Variants in CNTNAP2 observed in about 807,000 individuals in gnomAD.
The protein encoded by CNTNAP2 is contactin-associated protein-like 2.
In CNTNAP2, 98 loss-of-function variants were observed where a neutral mutation model predicts 155.2. The observed-to-expected ratio is 0.63, with a 90% CI of 0.54 to 0.75. The LOEUF (loss-of-function observed/expected upper bound fraction) is 0.75. Ranked by LOEUF, CNTNAP2 falls within the 30% of genes least tolerant of loss-of-function variation. The pLI, the probability that CNTNAP2 is intolerant of heterozygous loss-of-function variation, is 0.00. For missense variants in CNTNAP2, 1,727 were observed against 1,688.1 expected, an observed-to-expected ratio of 1.02 and a Z score of -0.40; for synonymous variants, 651 against 631.2, an observed-to-expected ratio of 1.03 and a Z score of -0.47.
chr7:147,044,839 C>G (rs1438028678), intron 4 of CNTNAP2, among the ~76,000 whole-genome samples: 2 of 151,902 alleles, frequency 1.3e-5, no homozygotes, highest in Non-Finnish European at 2.9e-5. Flanking sequence ...ATATTCTTTA[C>G]TGTGACCTCA....
chr7:147,581,673 A>C (rs780967530), intron 12 of CNTNAP2, among the ~76,000 whole-genome samples: 14 of 152,190 alleles, frequency 9.2e-5, no homozygotes, highest in Non-Finnish European at 1.6e-4. Flanking sequence ...CCCTTCTCCC[A>C]TCCAAATCTG....
At chr7:148,239,923 G>A (rs531557538) in intron 20 of CNTNAP2, among the ~76,000 whole-genome samples, 31 of 152,278 alleles carry the variant, frequency 2.0e-4, no homozygotes, top group Admixed American at 2.0e-3. Flanking sequence ...TCTACTTAAA[G>A]CCACATGGGG....
At chr7:147,517,042 G>A (rs531820703) in intron 11 of CNTNAP2, among the ~76,000 whole-genome samples, 2 of 143,584 alleles carry the variant, frequency 1.4e-5, no homozygotes, top group Non-Finnish European at 3.0e-5. Context: ...TTTTTTTTTT[G>A]TATTTTTAGT....
chr7:147,386,811 C>T (rs1402466459), intron 9 of CNTNAP2, among the ~76,000 whole-genome samples: 1 of 152,192 alleles, frequency 6.6e-6, no homozygotes. Flanking sequence ...GCACCTCACT[C>T]TACTGGTACC....
At chr7:147,831,353 C>T (rs1798542046) in intron 13 of CNTNAP2, among the ~76,000 whole-genome samples, 1 of 152,198 alleles carries the variant, frequency 6.6e-6, no homozygotes. Flanking sequence ...TACACTCTTA[C>T]TGAAGACACA....
At chr7:146,259,243 T>C (rs112574119) in intron 1 of CNTNAP2, among the ~76,000 whole-genome samples, 6,320 of 152,284 alleles carry the variant, frequency 0.042, 403 homozygotes, top group African/African-American at 0.14. Context: ...GTAGTATCTT[T>C]ATAGCAGTGT....
rs569548012 is a variant in CNTNAP2 at position 147,282,725 on chromosome 7, G to A, written c.1349-17416G>A. Among the ~76,000 whole-genome samples, 7 of 151,770 alleles carry A rather than the reference G, an allele frequency of 4.6e-5. No homozygotes were observed. In the East Asian group the frequency reaches 1.2e-3, roughly 25 times the overall value. ...ATGGTTGATAATTAATCAAAGGAAA[G>A]CCCTTTATTTTTATTATTAATTTAT... is the stretch of plus-strand genomic sequence containing the variant. On this transcript the variant is annotated intron_variant, in intron 8 of 23. Coordinates refer to ENST00000361727, the MANE Select transcript of CNTNAP2 (RefSeq NM_014141.6).
intron 8 of CNTNAP2, among the ~76,000 whole-genome samples, chr7:147,238,046 G>A (rs928142865): frequency 3.9e-5 from 6 of 152,212 alleles, no homozygotes; most frequent in South Asian, 2.1e-4. Flanking sequence ...ACGGAGTCTC[G>A]CTCTGTCGCC....
At chr7:148,124,204 G>A (rs1297687014) in intron 16 of CNTNAP2, among the ~76,000 whole-genome samples, 1 of 152,222 alleles carries the variant, frequency 6.6e-6, no homozygotes, top group East Asian at 1.9e-4. Flanking sequence ...GAAGTAAAGA[G>A]AACAGCGTAA....
At chr7:146,911,815 A>T (rs1216823492) in intron 3 of CNTNAP2, among the ~76,000 whole-genome samples, 2 of 152,082 alleles carry the variant, frequency 1.3e-5, no homozygotes, top group African/African-American at 4.8e-5. Flanking sequence ...ATAATAAAAA[A>T]AATAAATAAT....
At chr7:147,710,522 A>G (rs1378735180) in intron 13 of CNTNAP2, among the ~76,000 whole-genome samples, 2 of 152,114 alleles carry the variant, frequency 1.3e-5, no homozygotes, top group African/African-American at 4.8e-5. Flanking sequence ...ATTACTTCCT[A>G]TGTAAACTCT....
At chr7:146,623,731 A>C (rs1349851067) in intron 1 of CNTNAP2, among the ~76,000 whole-genome samples, 1 of 152,204 alleles carries the variant, frequency 6.6e-6, no homozygotes, top group Non-Finnish European at 1.5e-5. Context: ...GTGTGTGTAC[A>C]TAAGTTTTCA....
chr7:148,169,990 G>T (rs886696911), intron 17 of CNTNAP2, among the ~76,000 whole-genome samples: 13 of 151,870 alleles, frequency 8.6e-5, no homozygotes, highest in Non-Finnish European at 1.8e-4. Context: ...TATGTTAAGT[G>T]CAAAAAGCAA....
intron 13 of CNTNAP2, among the ~76,000 whole-genome samples, chr7:147,788,542 C>A (rs983833636): frequency 1.3e-5 from 2 of 152,166 alleles, no homozygotes; most frequent in Non-Finnish European, 2.9e-5. Flanking sequence ...GCCAGAATAT[C>A]TTCACTGTTA....
intron 23 of CNTNAP2, among the ~76,000 whole-genome samples, chr7:148,411,296 C>T (rs1206424642): frequency 1.3e-5 from 2 of 152,144 alleles, no homozygotes; most frequent in East Asian, 1.9e-4. Flanking sequence ...CAGAGTCTCA[C>T]TTTCTGTTGC....
At chr7:146,953,509 G>T (rs1465647401) in intron 3 of CNTNAP2, among the ~76,000 whole-genome samples, 1 of 151,860 alleles carries the variant, frequency 6.6e-6, no homozygotes, top group Admixed American at 6.6e-5. Context: ...TACTTTTCTG[G>T]AAACTAGGGA....
At chr7:146,479,383 C>A (rs1174221268) in intron 1 of CNTNAP2, among the ~76,000 whole-genome samples, 4 of 152,134 alleles carry the variant, frequency 2.6e-5, no homozygotes, top group Admixed American at 2.0e-4. Context: ...TTATTCTAAA[C>A]CTCTGTCTGA....
chr7:146,295,802 T>C (rs1172423634), intron 1 of CNTNAP2, among the ~76,000 whole-genome samples: 1 of 151,256 alleles, frequency 6.6e-6, no homozygotes, highest in Non-Finnish European at 1.5e-5. Flanking sequence ...CATAAATGAC[T>C]TCATTTTCAC....
chr7:146,721,889 A>ATATATATATATATATATATTTTT, intron 1 of CNTNAP2, among the ~76,000 whole-genome samples: 2 of 69,736 alleles, frequency 2.9e-5, no homozygotes, highest in African/African-American at 1.9e-4. Context: ...ATATATATAT[A>ATATATATATATATATATATTTTT]TTTTTTTTTT....
Sources: allele counts gnomAD v4.1 joint callset (sites outside exome capture counted in the v4.1 genomes callset), GRCh38; gene constraint gnomAD v4.1.1; transcripts MANE v1.5; gene names NCBI Gene and HGNC (gene_info 2026-07-23, HGNC 2026-07-21).